The following PPIP5K2 variants were observed in gnomAD, a reference collection of about 807,000 sequenced individuals.
The protein encoded by PPIP5K2 is diphosphoinositol pentakisphosphate kinase 2.
Under a neutral mutation model 154.6 loss-of-function variants are expected in PPIP5K2, and 105 were observed. That is an observed-to-expected ratio of 0.68 (90% CI 0.58 to 0.80). The LOEUF is 0.80. Among genes scored for constraint, PPIP5K2 ranks in the 30% least tolerant of loss-of-function variants. The probability of loss-of-function intolerance (pLI) is 0.00; values close to 1 mark genes in which losing one functional copy is unlikely to be tolerated. For missense variants in PPIP5K2, 992 were observed against 1,504.6 expected, an observed-to-expected ratio of 0.66 and a Z score of 5.64; for synonymous variants, 480 against 490.3, an observed-to-expected ratio of 0.98 and a Z score of 0.28.
intron 17 of PPIP5K2, among the ~76,000 whole-genome samples, chr5:103,162,671 C>A (rs1453893167): frequency 6.6e-6 from 1 of 152,030 alleles, no homozygotes; most frequent in Non-Finnish European, 1.5e-5. Context: ...CCAATAATAT[C>A]TTTTGATAAG....
intron 24 of PPIP5K2, among the ~76,000 whole-genome samples, chr5:103,180,524 A>G (rs1417820319): frequency 6.6e-6 from 1 of 152,012 alleles, no homozygotes; most frequent in Non-Finnish European, 1.5e-5. Flanking sequence ...ATTTTTTTTA[A>G]AAGCCTGATT....
At chr5:103,161,777 T>TTTGGTGTTTTCTAATGCTATTGAGC (rs1796295908) in intron 17 of PPIP5K2, among the ~76,000 whole-genome samples, 1 of 152,198 alleles carries the variant, frequency 6.6e-6, no homozygotes, top group African/African-American at 2.4e-5. Context: ...GTTCATATCC[T>TTTGGTGTTTTCTAATGCTATTGAGC]TCACCCACTT....
At chr5:103,144,565 G>T (rs897880140) in intron 5 of PPIP5K2, among the ~76,000 whole-genome samples, 1 of 152,054 alleles carries the variant, frequency 6.6e-6, no homozygotes, top group Non-Finnish European at 1.5e-5. Flanking sequence ...GATGGTACTG[G>T]CATCAAAATA....
At chr5:103,174,277 G>C (rs1798384727) in intron 21 of PPIP5K2, 1 of 238,784 alleles carries the variant, frequency 4.2e-6, no homozygotes, top group Non-Finnish European at 8.0e-6. Flanking sequence ...GATGGAACTT[G>C]GTGTTTGGTT....
intron 5 of PPIP5K2, among the ~76,000 whole-genome samples, chr5:103,143,944 G>A (rs1330327657): frequency 6.6e-6 from 1 of 151,894 alleles, no homozygotes; most frequent in East Asian, 1.9e-4. Context: ...AGAGAAATTA[G>A]GGAAGAGAAA....
At chr5:103,164,228 A>T (rs1796788687) in intron 17 of PPIP5K2, among the ~76,000 whole-genome samples, 1 of 151,740 alleles carries the variant, frequency 6.6e-6, no homozygotes, top group African/African-American at 2.4e-5. Context: ...TTTTTCTTTC[A>T]TAACATTATA....
intron 1 of PPIP5K2, among the ~76,000 whole-genome samples, chr5:103,127,103 T>A (rs1359306183): frequency 2.0e-5 from 3 of 152,216 alleles, no homozygotes; most frequent in Non-Finnish European, 4.4e-5. Context: ...CTAAAAAAAA[T>A]TAATTTTCAG....
At chr5:103,157,546 G>A (rs1269078075) in intron 14 of PPIP5K2, among the ~76,000 whole-genome samples, 8 of 152,100 alleles carry the variant, frequency 5.3e-5, no homozygotes, top group African/African-American at 1.9e-4. Flanking sequence ...AGGAGGCCGA[G>A]GTGGGTGGAT....
Position 103,172,581 on chromosome 5 carries a change from T to A in PPIP5K2, c.2287-574T>A, listed in dbSNP as rs1345231724. Among the ~76,000 whole-genome samples, 5 of 151,838 alleles carry A rather than the reference T, an allele frequency of 3.3e-5. No homozygotes were observed. In the East Asian group the frequency reaches 5.8e-4, roughly 18 times the overall value. On this transcript the variant is annotated intron_variant, in intron 19 of 30. Transcript: ENST00000358359. ...ATTGCAATTACTCTTAAAATTGCCATGTTTTCTGGACACTTCACATTGTGC... is the reference window on the plus strand; with the variant it reads ...ATTGCAATTACTCTTAAAATTGCCAAGTTTTCTGGACACTTCACATTGTGC...
intron 17 of PPIP5K2, among the ~76,000 whole-genome samples, chr5:103,166,537 T>C (rs1340531188): frequency 6.6e-6 from 1 of 152,078 alleles, no homozygotes; most frequent in African/African-American, 2.4e-5. Context: ...GGATCCTCCA[T>C]ATTTTAGGAA....
intron 28 of PPIP5K2, among the ~76,000 whole-genome samples, 173 bp from the exon 29 acceptor site, chr5:103,190,669 A>G (rs1321324339): frequency 6.6e-6 from 1 of 152,006 alleles, no homozygotes; most frequent in African/African-American, 2.4e-5. Context: ...ATCTTGTTCC[A>G]GCTCCATATT....
At position 103,184,760 on chromosome 5, in the gene PPIP5K2, GA is replaced by G. The variant is rs1800101334; in HGVS notation, c.3169+19del. ...CCTACTGTAGGTATGTGGTGTAAAGGAAATTGTGTTCCATACCCTTCTTAAA... is the reference window on the plus strand; with the variant it reads ...CCTACTGTAGGTATGTGGTGTAAAGGAATTGTGTTCCATACCCTTCTTAAA... On this transcript the variant is annotated intron_variant, in intron 26 of 30. Coordinates refer to ENST00000358359, the MANE Select transcript of PPIP5K2 (RefSeq NM_001276277.3). The G allele has an allele frequency of 6.3e-7, 1 of 1,598,776 alleles. No individual in the cohort carries two copies. Among genetic ancestry groups the G allele is most frequent in the African/African-American group, 1.3e-5 (1 of 74,504 alleles).
chr5:103,159,129 T>G lies in PPIP5K2; in HGVS notation c.1738-17T>G. 1.4e-6 allele frequency: 2 copies of G among 1,475,384 alleles called. No individual in the cohort carries two copies. Among genetic ancestry groups the G allele is most frequent in the Non-Finnish European group, 1.8e-6 (2 of 1,096,812 alleles). The allele number at this position is 1,475,384 out of a possible 1,614,324, so 91.4% of individuals were successfully genotyped here. A position where few individuals can be genotyped will look rare whatever the true frequency, so the allele number is the denominator to read the frequency against. On this transcript the variant is annotated splice_polypyrimidine_tract_variant and intron_variant, in intron 16 of 30. Coordinates refer to ENST00000358359, the MANE Select transcript of PPIP5K2 (RefSeq NM_001276277.3). ...TTAATTTTTTAAATTCGTGTTTTCTTTATTTAATATGCTTAGGGGCTTTTA... is the reference window on the plus strand; with the variant it reads ...TTAATTTTTTAAATTCGTGTTTTCTGTATTTAATATGCTTAGGGGCTTTTA...
chr5:103,186,406 C>T lies in PPIP5K2; in HGVS notation c.3256C>T (p.Arg1086Cys), dbSNP rs1554225071. 5.6e-6 allele frequency: 9 copies of T among 1,613,858 alleles called. No homozygotes were observed. The highest frequency in any genetic ancestry group is 1.1e-5 in the South Asian group (1 of 91,068). ...PNLQDYARTH[R>C]KKLTSSGCID... is the part of the protein sequence containing the mutation. ...CCTACAGGATTATGCTCGTACTCAT[C>T]GTAAAAAGCTGACCTCTTCTGGCTG... Residue 1086 changes from arginine (R) to cysteine (C), a missense_variant, in exon 27 of 31, where the codon CGT becomes TGT. By Grantham distance (180) the Arg-to-Cys change is radical (BLOSUM62 -3). Transcript: ENST00000358359.
intron 8 of PPIP5K2, 102 bp from the exon 9 acceptor site, chr5:103,151,150 CT>C: frequency 1.1e-6 from 1 of 943,658 alleles, no homozygotes; most frequent in East Asian, 2.7e-5. Flanking sequence ...TAGTAATATA[CT>C]TTTAAGCATT....
intron 8 of PPIP5K2, 57 bp from the exon 9 acceptor site, chr5:103,151,196 A>T (rs1429728668): frequency 6.9e-7 from 1 of 1,440,890 alleles, no homozygotes; most frequent in African/African-American, 1.5e-5. Context: ...GGACTAGAAA[A>T]CTGTGAATCT....
chr5:103,175,828 A>G (rs782350862), intron 21 of PPIP5K2, among the ~76,000 whole-genome samples: 13 of 152,092 alleles, frequency 8.5e-5, no homozygotes, highest in Middle Eastern at 3.2e-3. Flanking sequence ...CTGCATTTCT[A>G]AAACAAAAAC....
chr5:103,136,886 C>G, intron 4 of PPIP5K2, 64 bp downstream of exon 4: 1 of 1,125,348 alleles, frequency 8.9e-7, no homozygotes, highest in Non-Finnish European at 1.4e-6. Context: ...ACCTACTGTA[C>G]ACTGACATGG....
At chr5:103,131,080 C>T (rs1413812002) in intron 2 of PPIP5K2, among the ~76,000 whole-genome samples, 1 of 152,116 alleles carries the variant, frequency 6.6e-6, no homozygotes, top group African/African-American at 2.4e-5. Flanking sequence ...AAACCCTCCC[C>T]AGATTTCACA....
Sources: allele counts gnomAD v4.1 joint callset (sites outside exome capture counted in the v4.1 genomes callset), GRCh38; gene constraint gnomAD v4.1.1; transcripts MANE v1.5; gene names NCBI Gene and HGNC (gene_info 2026-07-23, HGNC 2026-07-21).